PHF24: variants seen among roughly 807,000 people sequenced by gnomAD.
The protein encoded by PHF24 is PHD finger protein 24, also known as Galpha inhibitory interacting protein.
A neutral mutation model predicts 42.6 loss-of-function variants in PHF24; 25 were observed. The ratio of observed to expected loss-of-function variants is 0.59; its 90% CI spans 0.43 to 0.82. The LOEUF is 0.82. PHF24 is among the 40% of genes least tolerant of loss of function. The pLI, the probability that PHF24 is intolerant of heterozygous loss-of-function variation, is 0.00. For missense variants in PHF24, 470 were observed against 538.1 expected (o/e 0.87, Z 1.25); for synonymous variants, 185 against 204.8 (o/e 0.90, Z 0.83).
chr9:34,680,620 G>A, the PHF24 span, among the ~76,000 whole-genome samples: 1 of 147,180 alleles, frequency 6.8e-6, no homozygotes, highest in Non-Finnish European at 1.5e-5. Flanking sequence ...CCCGGGAGGC[G>A]GAGCTTGCAG....
the PHF24 span, among the ~76,000 whole-genome samples, chr9:34,845,396 T>C: frequency 1.1e-4 from 17 of 152,234 alleles, no homozygotes; most frequent in African/African-American, 4.1e-4. Flanking sequence ...TATAGACCCT[T>C]TATTCCTTTT....
At chr9:34,694,998 G>A in the PHF24 span, among the ~76,000 whole-genome samples, 1 of 152,146 alleles carries the variant, frequency 6.6e-6, no homozygotes, top group Non-Finnish European at 1.5e-5. Flanking sequence ...GGAATCTTGG[G>A]AGAGATTGTG....
chr9:34,931,614 G>T, the PHF24 span, among the ~76,000 whole-genome samples: 452 of 152,194 alleles, frequency 3.0e-3, 2 homozygotes, highest in African/African-American at 0.01. Context: ...TAAGAAGTGT[G>T]TGGCCCCTCC....
At chr9:34,976,822 C>T in intron 5 of PHF24, 82 bp downstream of exon 5, 3 of 1,218,530 alleles carry the variant, frequency 2.5e-6, no homozygotes, top group Admixed American at 2.0e-5. Flanking sequence ...TGGGGGAGCA[C>T]TGGGTCCTGC....
the PHF24 span, among the ~76,000 whole-genome samples, chr9:34,683,937 T>C: frequency 6.6e-6 from 1 of 152,208 alleles, no homozygotes; most frequent in Non-Finnish European, 1.5e-5. Context: ...CGCCTTTTGG[T>C]GGTGCCACCA....
the PHF24 span, among the ~76,000 whole-genome samples, chr9:34,765,768 G>A: frequency 2.6e-5 from 4 of 152,116 alleles, no homozygotes; most frequent in African/African-American, 7.2e-5. Context: ...TATTTTGCTC[G>A]TTAGTTGATG....
the PHF24 span, among the ~76,000 whole-genome samples, chr9:34,727,194 G>A: frequency 2.6e-5 from 4 of 152,368 alleles, no homozygotes; most frequent in African/African-American, 7.2e-5. Context: ...AGCTTGTTGG[G>A]CAAGGCCTCA....
the PHF24 span, among the ~76,000 whole-genome samples, chr9:34,916,807 G>C: frequency 6.6e-6 from 1 of 152,190 alleles, no homozygotes; most frequent in Admixed American, 6.5e-5. Flanking sequence ...AGTTCAGAGA[G>C]TGCGTGGGAG....
At chr9:34,909,573 A>T in the PHF24 span, among the ~76,000 whole-genome samples, 1 of 151,938 alleles carries the variant, frequency 6.6e-6, no homozygotes, top group African/African-American at 2.4e-5. Context: ...CTATTTACAG[A>T]GACTACTTTG....
the PHF24 span, among the ~76,000 whole-genome samples, chr9:34,798,327 T>C: frequency 2.0e-5 from 3 of 152,172 alleles, no homozygotes; most frequent in Non-Finnish European, 2.9e-5. Context: ...ATAGTGAATA[T>C]AGTACCTAAT....
chr9:34,811,057 C>G, the PHF24 span, among the ~76,000 whole-genome samples: 2 of 152,154 alleles, frequency 1.3e-5, no homozygotes, highest in Non-Finnish European at 2.9e-5. Flanking sequence ...GTGTGCTAGG[C>G]ACTATACTAG....
At chr9:34,955,123 C>T (rs1486556205), upstream of PHF24, among the ~76,000 whole-genome samples, 7 of 152,222 alleles carry the variant, frequency 4.6e-5, no homozygotes, top group Admixed American at 4.6e-4. Context: ...ACCCTCTCAC[C>T]TCGCTCTCAT....
chr9:34,772,905 T>C, the PHF24 span, among the ~76,000 whole-genome samples: 1 of 152,120 alleles, frequency 6.6e-6, no homozygotes, highest in African/African-American at 2.4e-5. Flanking sequence ...TTAGTATACA[T>C]ACCTATTTCC....
At chr9:34,893,327 A>G in the PHF24 span, among the ~76,000 whole-genome samples, 453 of 152,256 alleles carry the variant, frequency 3.0e-3, 4 homozygotes, top group Non-Finnish European at 4.9e-3. Flanking sequence ...GAGGCTGGAC[A>G]TAGTGGCTCA....
the PHF24 span, among the ~76,000 whole-genome samples, chr9:34,942,792 T>C: frequency 2.6e-5 from 4 of 152,044 alleles, no homozygotes; most frequent in East Asian, 5.8e-4. Context: ...TAGGTGGGAA[T>C]TGACAGTAAG....
chr9:34,753,671 C>A, the PHF24 span, among the ~76,000 whole-genome samples: 3 of 152,036 alleles, frequency 2.0e-5, no homozygotes, highest in Non-Finnish European at 4.4e-5. Context: ...ACAAAAGGAA[C>A]AGAATAGCCA....
At chr9:34,719,771 AGCTGTGTG>A in the PHF24 span, among the ~76,000 whole-genome samples, 1 of 152,080 alleles carries the variant, frequency 6.6e-6, no homozygotes, top group Non-Finnish European at 1.5e-5. Flanking sequence ...CCTCTGTTCT[AGCTGTGTG>A]GCTGCCTGCC....
the PHF24 span, among the ~76,000 whole-genome samples, chr9:34,893,361 G>A: frequency 3.3e-5 from 5 of 152,122 alleles, no homozygotes; most frequent in Admixed American, 3.3e-4. Context: ...AGCACTTTGG[G>A]AGGCTGAGGT....
the PHF24 span, among the ~76,000 whole-genome samples, chr9:34,694,497 A>C: frequency 1.3e-5 from 2 of 151,956 alleles, no homozygotes; most frequent in Non-Finnish European, 2.9e-5. Context: ...CACCCAGCTA[A>C]GTTTTTTGTA....
Sources: allele counts gnomAD v4.1 joint callset (sites outside exome capture counted in the v4.1 genomes callset), GRCh38; gene constraint gnomAD v4.1.1; transcripts MANE v1.5; gene names NCBI Gene and HGNC (gene_info 2026-07-23, HGNC 2026-07-21).